Variants in KDM4C observed in about 807,000 individuals in gnomAD.
KDM4C encodes the protein lysine-specific demethylase 4C.
In KDM4C, 81 loss-of-function variants were observed where a neutral mutation model predicts 129.3. The ratio of observed to expected loss-of-function variants is 0.63; its 90% CI spans 0.52 to 0.75. KDM4C has a LOEUF of 0.75. KDM4C is among the 30% of genes least tolerant of loss of function. KDM4C has a pLI of 0.00. For synonymous variants in KDM4C, 573 were observed against 456.1 expected, an observed-to-expected ratio of 1.26 and a Z score of -3.26; for missense variants, 1,457 against 1,304.0, an observed-to-expected ratio of 1.12 and a Z score of -1.81.
intron 5 of KDM4C, among the ~76,000 whole-genome samples, chr9:6,876,326 G>A (rs544242046): frequency 5.9e-5 from 9 of 152,054 alleles, no homozygotes; most frequent in African/African-American, 1.7e-4. Flanking sequence ...GCTGCATTCC[G>A]TGTTGTTCTG....
At chr9:7,125,585 C>T (rs776158931) in intron 18 of KDM4C, among the ~76,000 whole-genome samples, 3 of 152,222 alleles carry the variant, frequency 2.0e-5, no homozygotes, top group Non-Finnish European at 2.9e-5. Flanking sequence ...ACACTCTGTA[C>T]ACTACAAGGT....
chr9:6,919,255 C>CTTTCTTTCTTTCT (rs1554643790), intron 8 of KDM4C, among the ~76,000 whole-genome samples: 6,166 of 121,644 alleles, frequency 0.051, 207 homozygotes, highest in East Asian at 0.069. Context: ...TCTTTTCTTT[C>CTTTCTTTCTTTCT]TTTCTTTCTT....
At chr9:6,812,043 A>G (rs1831247987) in intron 3 of KDM4C, among the ~76,000 whole-genome samples, 1 of 152,208 alleles carries the variant, frequency 6.6e-6, no homozygotes, top group African/African-American at 2.4e-5. Context: ...TTTAACTTCA[A>G]TGGACAATAC....
chr9:6,838,608 C>T (rs1026772699), intron 4 of KDM4C, among the ~76,000 whole-genome samples: 8 of 152,104 alleles, frequency 5.3e-5, no homozygotes, highest in Admixed American at 4.6e-4. Context: ...ACTTTCACTG[C>T]AGAATTATTT....
intron 8 of KDM4C, among the ~76,000 whole-genome samples, chr9:6,939,675 A>G (rs746452568): frequency 6.6e-6 from 1 of 152,200 alleles, no homozygotes; most frequent in Non-Finnish European, 1.5e-5. Context: ...TTTAGAATGG[A>G]TATTTTAAAA....
At chr9:7,116,999 A>G (rs897078289) in intron 18 of KDM4C, among the ~76,000 whole-genome samples, 1 of 152,238 alleles carries the variant, frequency 6.6e-6, no homozygotes, top group South Asian at 2.1e-4. Flanking sequence ...TACACGTAGT[A>G]CATTATGTCA....
intron 15 of KDM4C, among the ~76,000 whole-genome samples, chr9:7,031,659 C>A (rs926866029): frequency 1.3e-5 from 2 of 151,642 alleles, no homozygotes; most frequent in African/African-American, 4.9e-5. Flanking sequence ...AAACAGCCAC[C>A]AATATTTTAT....
At chr9:6,835,206 C>T (rs1348480555) in intron 4 of KDM4C, 10 of 922,872 alleles carry the variant, frequency 1.1e-5, no homozygotes, top group South Asian at 2.6e-5. Flanking sequence ...CCATCGGCAA[C>T]GAGCAGTTCT....
At chr9:7,102,869 AAC>A (rs1837257616) in intron 17 of KDM4C, among the ~76,000 whole-genome samples, 1 of 152,138 alleles carries the variant, frequency 6.6e-6, no homozygotes. Flanking sequence ...ATTTTTTCCT[AAC>A]CCTCAAGTAT....
At chr9:6,744,895 G>A (rs1289202591) in intron 1 of KDM4C, among the ~76,000 whole-genome samples, 1 of 152,094 alleles carries the variant, frequency 6.6e-6, no homozygotes, top group African/African-American at 2.4e-5. Context: ...CACTGAGAGA[G>A]CTAGGTGGGG....
chr9:6,868,616 A>T (rs778414801), intron 5 of KDM4C, among the ~76,000 whole-genome samples: 5 of 152,302 alleles, frequency 3.3e-5, no homozygotes, highest in Admixed American at 6.5e-5. Context: ...CTATGTAAAT[A>T]GTTGTTATCC....
rs149081720 is a variant in KDM4C, at chr9:6,845,668, G to A, written c.436-3839G>A. 8.8e-3 allele frequency among the ~76,000 whole-genome samples: 1,341 copies of A among 152,288 alleles called. 12 individuals carry two copies. Among genetic ancestry groups the A allele is most frequent in the African/African-American group, 0.026 (1,079 of 41,548 alleles). ...GTTTCAGAAAACAGATGCAGGATACGTAAAGGAATGGGGCAGGACAGGCTC... is the reference window on the plus strand; with the variant it reads ...GTTTCAGAAAACAGATGCAGGATACATAAAGGAATGGGGCAGGACAGGCTC... On this transcript the variant is annotated intron_variant, in intron 4 of 21. Transcript: ENST00000381309.
rs143610014 is a variant in KDM4C, at chr9:7,013,844, C to T, written c.2025C>T (p.Val675=). ...GATGGGAGACAAAATTAGATGAAGT[C>T]GTTACATCGGAGGGAAAGACTAAGC... ...DARWETKLDE[V]VTSEGKTKPL... Residue 675 remains valine, a synonymous_variant, in exon 14 of 22, where the codon GTC becomes GTT. Transcript: ENST00000381309. The T allele has an allele frequency of 1.2e-5, 19 of 1,613,942 alleles. No individual in the cohort carries two copies. Among genetic ancestry groups the T allele is most frequent in the East Asian group, 8.9e-5 (4 of 44,866 alleles).
intron 18 of KDM4C, among the ~76,000 whole-genome samples, chr9:7,127,357 G>A (rs957985087): frequency 6.6e-6 from 1 of 152,136 alleles, no homozygotes; most frequent in Non-Finnish European, 1.5e-5. Context: ...CATTATCATT[G>A]AGGGGTAAGC....
intron 19 of KDM4C, among the ~76,000 whole-genome samples, chr9:7,151,950 C>T (rs531651936): frequency 6.6e-6 from 1 of 152,336 alleles, no homozygotes; most frequent in South Asian, 2.1e-4. Flanking sequence ...TCGTTATACA[C>T]AGAATGTATA....
intron 1 of KDM4C, among the ~76,000 whole-genome samples, chr9:6,775,552 C>T (rs935605988): frequency 9.2e-5 from 14 of 151,396 alleles, no homozygotes; most frequent in African/African-American, 3.2e-4. Flanking sequence ...GATGGAGTTT[C>T]GTTCTTATTG....
chr9:7,127,795 TTCTC>T (rs1276314662), intron 18 of KDM4C: 3 of 286,118 alleles, frequency 1.0e-5, no homozygotes, highest in Non-Finnish European at 1.9e-5. Context: ...ACATATTGTT[TTCTC>T]TCTCTCTTTG....
intron 5 of KDM4C, among the ~76,000 whole-genome samples, chr9:6,860,763 ATG>A (rs1191393663): frequency 6.6e-6 from 1 of 152,194 alleles, no homozygotes; most frequent in African/African-American, 2.4e-5. Flanking sequence ...GTGTTTTTCC[ATG>A]TGTTACTTGG....
intron 17 of KDM4C, among the ~76,000 whole-genome samples, chr9:7,094,616 T>G (rs1220377055): frequency 6.6e-6 from 1 of 152,168 alleles, no homozygotes; most frequent in African/African-American, 2.4e-5. Context: ...GGACAGCCAG[T>G]GTCCATGCGG....
Sources: allele counts gnomAD v4.1 joint callset (sites outside exome capture counted in the v4.1 genomes callset), GRCh38; gene constraint gnomAD v4.1.1; transcripts MANE v1.5; gene names NCBI Gene and HGNC (gene_info 2026-07-23, HGNC 2026-07-21).